The following SERGEF variants were observed in gnomAD, a reference collection of about 807,000 sequenced individuals.
SERGEF encodes secretion-regulating guanine nucleotide exchange factor.
In SERGEF, 51 loss-of-function variants were observed where a neutral mutation model predicts 50.0. The ratio of observed to expected loss-of-function variants is 1.02; its 90% CI spans 0.81 to 1.29. The LOEUF is 1.29. Among genes scored for constraint, SERGEF ranks in the 50% most tolerant of loss-of-function variants. SERGEF has a pLI of 0.00. For missense variants in SERGEF, 521 were observed against 557.0 expected, an observed-to-expected ratio of 0.94 and a Z score of 0.65; for synonymous variants, 205 against 212.4, an observed-to-expected ratio of 0.97 and a Z score of 0.30.
intron 10 of SERGEF, among the ~76,000 whole-genome samples, chr11:17,798,385 G>A (rs979503386): frequency 2.0e-5 from 3 of 152,150 alleles, no homozygotes; most frequent in Non-Finnish European, 4.4e-5. Flanking sequence ...GGCACGTATT[G>A]GATCAACACT....
At chr11:17,830,996 T>G (rs1850298617) in intron 10 of SERGEF, among the ~76,000 whole-genome samples, 1 of 152,226 alleles carries the variant, frequency 6.6e-6, no homozygotes, top group Non-Finnish European at 1.5e-5. Context: ...TAAATATGTA[T>G]AAACTTTTAG....
chr11:18,006,269 C>T (rs1854071808), intron 3 of SERGEF, among the ~76,000 whole-genome samples: 1 of 152,216 alleles, frequency 6.6e-6, no homozygotes, highest in South Asian at 2.1e-4. Context: ...AGTGATTCGC[C>T]TGCCTCGGCC....
At chr11:18,010,119 T>C (rs942970115) in intron 1 of SERGEF, 50 of 1,259,590 alleles carry the variant, frequency 4.0e-5, no homozygotes, top group Non-Finnish European at 4.9e-5. Context: ...ATCTTTTAAA[T>C]ATGTTTGTTT....
chr11:17,824,515 T>C (rs1850152011), intron 10 of SERGEF, among the ~76,000 whole-genome samples: 1 of 152,194 alleles, frequency 6.6e-6, no homozygotes, highest in South Asian at 2.1e-4. Flanking sequence ...TGCGTGAATG[T>C]ATTAGTCTGC....
intron 9 of SERGEF, among the ~76,000 whole-genome samples, chr11:17,897,643 A>G (rs1851673625): frequency 6.6e-6 from 1 of 152,248 alleles, no homozygotes; most frequent in South Asian, 2.1e-4. Context: ...AAAAGTAAAT[A>G]GTGCATGATT....
chr11:17,955,129 G>A (rs896466794), intron 9 of SERGEF, among the ~76,000 whole-genome samples: 2 of 152,052 alleles, frequency 1.3e-5, no homozygotes, highest in East Asian at 1.9e-4. Context: ...GTTGTCCCTC[G>A]GCCTGATATC....
At position 17,959,535 on chromosome 11, in the gene SERGEF, GA is replaced by G. The variant is rs1852949970; in HGVS notation, c.945del (p.Leu316SerfsTer17). On this transcript the variant is annotated frameshift_variant, in exon 9 of 11. Coordinates refer to ENST00000265965, the MANE Select transcript of SERGEF (RefSeq NM_012139.4). LOFTEE classifies it high-confidence loss of function. The part of the protein sequence containing the change: ...EGWKLEKQDS[F>X]LPCSRPPNSM... Reference sequence around the variant, plus strand: ...CTGTTCGGTGGTCTTGAACAGGGGAGAAATGAATCTTGCTTTTCTAGTTTCC... The same window carrying G: ...CTGTTCGGTGGTCTTGAACAGGGGAGAATGAATCTTGCTTTTCTAGTTTCC... 2.5e-6 allele frequency: 4 copies of G among 1,614,010 alleles called. No individual in the cohort carries two copies. The highest frequency in any genetic ancestry group is 3.4e-6 in the Non-Finnish European group (4 of 1,179,936).
At chr11:17,896,890 A>G (rs867106100) in intron 9 of SERGEF, among the ~76,000 whole-genome samples, 1 of 22,818 alleles carries the variant, frequency 4.4e-5, no homozygotes, top group Non-Finnish European at 7.5e-5. Flanking sequence ...AGGGAAGGGA[A>G]GGGAAGGGAA....
At chr11:17,958,198 GA>G (rs1435422897) in intron 9 of SERGEF, among the ~76,000 whole-genome samples, 1 of 152,202 alleles carries the variant, frequency 6.6e-6, no homozygotes, top group African/African-American at 2.4e-5. Context: ...TACATACCCG[GA>G]AGGAGGAGGC....
At chr11:17,799,361 T>A (rs1433458531) in intron 10 of SERGEF, among the ~76,000 whole-genome samples, 1 of 152,218 alleles carries the variant, frequency 6.6e-6, no homozygotes, top group Admixed American at 6.5e-5. Flanking sequence ...GAGGACTTGT[T>A]CTCCTATCTC....
intron 10 of SERGEF, among the ~76,000 whole-genome samples, chr11:17,818,066 G>A (rs1379914879): frequency 1.3e-5 from 2 of 152,198 alleles, no homozygotes; most frequent in African/African-American, 4.8e-5. Context: ...GAGCCAGCCT[G>A]CTATGACCAC....
At chr11:17,963,547 G>A (rs1286296887) in intron 8 of SERGEF, among the ~76,000 whole-genome samples, 1 of 151,738 alleles carries the variant, frequency 6.6e-6, no homozygotes, top group Non-Finnish European at 1.5e-5. Context: ...ACCACCATCC[G>A]GCCAATTTTT....
At chr11:17,953,627 TA>T (rs1565214087) in intron 9 of SERGEF, among the ~76,000 whole-genome samples, 1 of 152,206 alleles carries the variant, frequency 6.6e-6, no homozygotes, top group East Asian at 1.9e-4. Context: ...CCAAAACCAT[TA>T]CTTTCATTCA....
chr11:17,822,560 AC>A (rs924505536), intron 10 of SERGEF, among the ~76,000 whole-genome samples: 25 of 152,232 alleles, frequency 1.6e-4, no homozygotes, highest in African/African-American at 6.0e-4. Flanking sequence ...CTTTGGGGAA[AC>A]CTCTGGAGCG....
At chr11:17,892,146 C>T (rs141558988) in intron 9 of SERGEF, among the ~76,000 whole-genome samples, 71 of 152,184 alleles carry the variant, frequency 4.7e-4, no homozygotes, top group Middle Eastern at 3.4e-3. Flanking sequence ...AACATAAGAA[C>T]ACTATTATAG....
At chr11:17,817,359 C>T (rs1212241443) in intron 10 of SERGEF, among the ~76,000 whole-genome samples, 10 of 151,904 alleles carry the variant, frequency 6.6e-5, no homozygotes, top group Admixed American at 5.2e-4. Flanking sequence ...AGATTACAGG[C>T]ACCCACCACC....
At chr11:17,977,553 T>C (rs1054192072) in intron 8 of SERGEF, among the ~76,000 whole-genome samples, 3 of 152,170 alleles carry the variant, frequency 2.0e-5, no homozygotes, top group Non-Finnish European at 4.4e-5. Context: ...CCCCAGAAGC[T>C]TTCTCCAGGA....
At chr11:17,946,336 T>A (rs1030316785) in intron 9 of SERGEF, among the ~76,000 whole-genome samples, 7 of 152,096 alleles carry the variant, frequency 4.6e-5, no homozygotes, top group African/African-American at 1.7e-4. Context: ...AGAATAATAA[T>A]CCCTACTCTG....
intron 9 of SERGEF, among the ~76,000 whole-genome samples, chr11:17,904,014 C>T (rs976830277): frequency 6.6e-6 from 1 of 152,250 alleles, no homozygotes; most frequent in African/African-American, 2.4e-5. Context: ...CCCACAACTG[C>T]TCTGTGTGCC....
Sources: allele counts gnomAD v4.1 joint callset (sites outside exome capture counted in the v4.1 genomes callset), GRCh38; gene constraint gnomAD v4.1.1; transcripts MANE v1.5; gene names NCBI Gene and HGNC (gene_info 2026-07-23, HGNC 2026-07-21).